The following KIAA1328 variants were observed in gnomAD, a reference collection of about 807,000 sequenced individuals.
KIAA1328 encodes the protein KIAA1328, also known as protein hinderin.
KIAA1328 carries 52 observed loss-of-function variants against 68.1 expected under a neutral mutation model. The ratio of observed to expected loss-of-function variants is 0.76; its 90% CI spans 0.61 to 0.96. KIAA1328 has a LOEUF of 0.96. Ranked by LOEUF, KIAA1328 falls within the 40% of genes least tolerant of loss-of-function variation. The pLI is 0.00. For synonymous variants in KIAA1328, 232 were observed against 239.4 expected, an observed-to-expected ratio of 0.97 and a Z score of 0.28; for missense variants, 641 against 677.6, an observed-to-expected ratio of 0.95 and a Z score of 0.60.
intron 7 of KIAA1328, among the ~76,000 whole-genome samples, chr18:37,068,544 C>T (rs1414215539): frequency 2.0e-5 from 3 of 152,122 alleles, no homozygotes; most frequent in Non-Finnish European, 2.9e-5. Flanking sequence ...CATTTCATCG[C>T]AGTCTTAATT....
chr18:36,870,946 C>G (rs1568102024), intron 4 of KIAA1328, among the ~76,000 whole-genome samples: 2 of 152,196 alleles, frequency 1.3e-5, no homozygotes, highest in Non-Finnish European at 2.9e-5. Flanking sequence ...CTTACCTGCC[C>G]ACATTTGGCC....
At chr18:36,890,607 G>A (rs2048654278) in intron 5 of KIAA1328, among the ~76,000 whole-genome samples, 1 of 152,146 alleles carries the variant, frequency 6.6e-6, no homozygotes. Context: ...GGAGGCAGAG[G>A]TTGCAGAGAG....
rs548822812 is a variant in KIAA1328, at chr18:37,100,221, G to A, written c.1232+32676G>A. 7.2e-5 allele frequency among the ~76,000 whole-genome samples: 11 copies of A among 152,324 alleles called. No individual in the cohort carries two copies. In the South Asian group the frequency reaches 1.7e-3, roughly 23 times the overall value. On this transcript the variant is annotated intron_variant, in intron 7 of 9. Transcript: ENST00000280020. ...CAAGTGTGAGCCGAAGCAGGGCAAG[G>A]CATCGCCTCACCCAGGAAGCACAAG...
chr18:36,907,337 T>A (rs2049260747), intron 5 of KIAA1328, among the ~76,000 whole-genome samples: 1 of 152,112 alleles, frequency 6.6e-6, no homozygotes, highest in South Asian at 2.1e-4. Context: ...GAGTAAAAGC[T>A]GTGGTAAAGG....
At chr18:37,003,928 C>G (rs563575740) in intron 6 of KIAA1328, among the ~76,000 whole-genome samples, 1 of 152,106 alleles carries the variant, frequency 6.6e-6, no homozygotes, top group African/African-American at 2.4e-5. Flanking sequence ...GTTCTCCATT[C>G]TGTTCCATTG....
intron 6 of KIAA1328, among the ~76,000 whole-genome samples, chr18:37,008,278 A>C (rs1414303514): frequency 6.6e-6 from 1 of 152,246 alleles, no homozygotes; most frequent in South Asian, 2.1e-4. Context: ...TATGCTATGC[A>C]TGCACAAAGC....
chr18:37,135,040 T>G (rs976865538), intron 7 of KIAA1328, among the ~76,000 whole-genome samples: 8 of 152,212 alleles, frequency 5.3e-5, no homozygotes, highest in African/African-American at 1.9e-4. Flanking sequence ...TCCATTCTTT[T>G]TTATGGCTGT....
chr18:37,105,157 A>G (rs2057734730), intron 7 of KIAA1328, among the ~76,000 whole-genome samples: 1 of 152,224 alleles, frequency 6.6e-6, no homozygotes, highest in East Asian at 1.9e-4. Context: ...TACCCTACAC[A>G]CTCTAGAAAC....
At chr18:36,893,272 C>G (rs552571971) in intron 5 of KIAA1328, among the ~76,000 whole-genome samples, 2 of 151,786 alleles carry the variant, frequency 1.3e-5, no homozygotes, top group South Asian at 4.2e-4. Flanking sequence ...CTCTTTCTTT[C>G]TTATTTATTT....
chr18:37,099,039 T>A (rs2151860513), intron 7 of KIAA1328, among the ~76,000 whole-genome samples: 1 of 152,296 alleles, frequency 6.6e-6, no homozygotes, highest in East Asian at 1.9e-4. Flanking sequence ...CTGGATTCAT[T>A]GATTTTTTTG....
chr18:37,042,206 A>G (rs909232902), intron 6 of KIAA1328, among the ~76,000 whole-genome samples: 2 of 152,110 alleles, frequency 1.3e-5, no homozygotes, highest in Non-Finnish European at 2.9e-5. Flanking sequence ...CCATATATTT[A>G]TGTTATAATC....
At chr18:37,158,438 C>G (rs2059204824) in intron 7 of KIAA1328, among the ~76,000 whole-genome samples, 1 of 152,014 alleles carries the variant, frequency 6.6e-6, no homozygotes, top group South Asian at 2.1e-4. Flanking sequence ...AGGATCTGCT[C>G]TTGTTTGTAG....
intron 7 of KIAA1328, among the ~76,000 whole-genome samples, chr18:37,129,579 G>A (rs1189669934): frequency 3.9e-5 from 6 of 152,176 alleles, no homozygotes; most frequent in African/African-American, 1.4e-4. Flanking sequence ...TAGGAATAGA[G>A]AGCCTATTTG....
In KIAA1328 at chr18:37,089,615, T is replaced by G. The variant is rs1446573682; in HGVS notation, c.1232+22070T>G. Among the ~76,000 whole-genome samples, 3 of 152,176 alleles carry G rather than the reference T, an allele frequency of 2.0e-5. No homozygotes were observed. In the East Asian group the frequency reaches 5.8e-4, roughly 29 times the overall value. On this transcript the variant is annotated intron_variant, in intron 7 of 9. Coordinates refer to ENST00000280020, the MANE Select transcript of KIAA1328 (RefSeq NM_020776.3). ...GTCTTGAACTCCTGACCTCAGGTGA[T>G]GCACCTGCCTTGGCCTCCCAGAGTG...
intron 6 of KIAA1328, among the ~76,000 whole-genome samples, chr18:37,054,842 T>C (rs2055846656): frequency 6.6e-6 from 1 of 152,222 alleles, no homozygotes; most frequent in South Asian, 2.1e-4. Flanking sequence ...TTTAGCCTTT[T>C]CTGAATCTGG....
intron 7 of KIAA1328, among the ~76,000 whole-genome samples, chr18:37,080,369 A>T (rs898047881): frequency 6.6e-6 from 1 of 152,158 alleles, no homozygotes; most frequent in African/African-American, 2.4e-5. Flanking sequence ...AGGAGCCCTA[A>T]TGTTTTACTT....
chr18:37,021,624 CATGAATGTTCCTTAA>C (rs1158774594), intron 6 of KIAA1328, among the ~76,000 whole-genome samples: 3 of 152,136 alleles, frequency 2.0e-5, no homozygotes, highest in Admixed American at 2.0e-4. Flanking sequence ...GCAGTTAGAA[CATGAATGTTCCTTAA>C]ATGATATTTT....
At chr18:36,914,277 C>T (rs908994243) in intron 5 of KIAA1328, among the ~76,000 whole-genome samples, 3 of 152,000 alleles carry the variant, frequency 2.0e-5, no homozygotes, top group African/African-American at 4.8e-5. Flanking sequence ...TAAGGGAAGG[C>T]GCTGTGATAA....
chr18:37,201,292 A>C (rs2060109295), intron 9 of KIAA1328, among the ~76,000 whole-genome samples: 1 of 152,228 alleles, frequency 6.6e-6, no homozygotes, highest in Non-Finnish European at 1.5e-5. Flanking sequence ...AAAATGGAAA[A>C]ATAATCTATT....
Sources: gnomAD v4.1 joint callset for allele counts (sites outside exome capture counted in the v4.1 genomes callset) on GRCh38, gnomAD v4.1.1 for gene constraint, MANE v1.5 for transcripts, NCBI Gene and HGNC (gene_info 2026-07-23, HGNC 2026-07-21) for gene names.